The following SCLT1 variants were observed in gnomAD, a reference collection of about 807,000 sequenced individuals.
SCLT1 encodes the protein sodium channel-associated protein 1.
SCLT1 carries 78 observed loss-of-function variants against 112.8 expected under a neutral mutation model. That is an observed-to-expected ratio of 0.69 (90% confidence interval 0.58 to 0.83). SCLT1 has a LOEUF of 0.83. SCLT1 is among the 40% of genes least tolerant of loss of function. The pLI is 0.00. For missense variants in SCLT1, 747 were observed against 770.4 expected (o/e 0.97, Z 0.36); for synonymous variants, 257 against 254.7 (o/e 1.01, Z -0.09).
At chr4:129,055,871 G>T (rs2125720728) in intron 2 of SCLT1, among the ~76,000 whole-genome samples, 1 of 152,054 alleles carries the variant, frequency 6.6e-6, no homozygotes, top group East Asian at 1.9e-4. Context: ...CCTGCAGCTA[G>T]CTTGGTGTCT....
intron 4 of SCLT1, among the ~76,000 whole-genome samples, chr4:129,043,016 A>G (rs147550511): frequency 0.014 from 2,139 of 152,010 alleles, 52 homozygotes; most frequent in African/African-American, 0.046. Context: ...GAGGTTGCAG[A>G]GAGCCGAGAT....
chr4:128,936,966 G>T, intron 17 of SCLT1, 115 bp from the exon 18 acceptor site: 1 of 493,196 alleles, frequency 2.0e-6, no homozygotes, highest in Non-Finnish European at 3.4e-6. Flanking sequence ...AAAAATGTTT[G>T]GATGAGAAAA....
At chr4:129,060,555 T>C (rs1180197215) in intron 2 of SCLT1, among the ~76,000 whole-genome samples, 1 of 152,156 alleles carries the variant, frequency 6.6e-6, no homozygotes, top group Non-Finnish European at 1.5e-5. Context: ...TACAGATAAG[T>C]GTAATGGAAT....
In SCLT1 at chr4:128,978,382, T is replaced by G. The variant is rs76561759; in HGVS notation, c.687-7914A>C. Among the ~76,000 whole-genome samples the G allele has an allele frequency of 8.0e-3, 1,214 of 151,692 alleles. 15 individuals are homozygous for G. The highest frequency in any genetic ancestry group is 0.028 in the African/African-American group (1,156 of 41,322). ...GTCACATGGTTAGAAATCTAAGAAA[T>G]GTATACTTTTCATAGGTAGGATAAG... On this transcript the variant is annotated intron_variant, in intron 9 of 20. Coordinates refer to ENST00000281142, the MANE Select transcript of SCLT1 (RefSeq NM_144643.4).
intron 9 of SCLT1, among the ~76,000 whole-genome samples, chr4:128,988,576 C>A: frequency 6.6e-6 from 1 of 151,622 alleles, no homozygotes; most frequent in Non-Finnish European, 1.5e-5. Context: ...GAAGAGAGGA[C>A]CAACAATACA....
At chr4:129,024,611 G>A (rs1397199332) in intron 5 of SCLT1, among the ~76,000 whole-genome samples, 1 of 152,140 alleles carries the variant, frequency 6.6e-6, no homozygotes, top group Non-Finnish European at 1.5e-5. Context: ...AAACAGAGCA[G>A]AACAACTGGA....
chr4:129,046,593 A>G (rs2125703877), intron 2 of SCLT1, among the ~76,000 whole-genome samples: 1 of 152,232 alleles, frequency 6.6e-6, no homozygotes, highest in South Asian at 2.1e-4. Context: ...TAAATGAAGT[A>G]TTTGGGTTGT....
intron 11 of SCLT1, among the ~76,000 whole-genome samples, chr4:128,960,812 C>G (rs376616502): frequency 6.9e-6 from 1 of 145,638 alleles, no homozygotes; most frequent in South Asian, 2.2e-4. Flanking sequence ...CCCAGCTACT[C>G]GGGAGGCTGA....
intron 16 of SCLT1, chr4:128,944,964 T>C (rs1015625703): frequency 6.6e-6 from 1 of 152,176 alleles, no homozygotes; most frequent in African/African-American, 2.4e-5. Flanking sequence ...ACCTTCAAAA[T>C]TTATCCTGGA....
intron 5 of SCLT1, among the ~76,000 whole-genome samples, chr4:129,020,339 G>A (rs1471672691): frequency 2.6e-5 from 4 of 152,176 alleles, no homozygotes; most frequent in Non-Finnish European, 5.9e-5. Context: ...CCAGACTTAA[G>A]TAGCCTTTGC....
At chr4:129,085,993 C>T (rs1051425422) in intron 1 of SCLT1, among the ~76,000 whole-genome samples, 1 of 151,816 alleles carries the variant, frequency 6.6e-6, no homozygotes, top group Non-Finnish European at 1.5e-5. Context: ...TGCACATGTA[C>T]CCCTGAACTT....
rs757220816 is a variant in SCLT1 at position 129,082,361 on chromosome 4, T to C, written c.47A>G (p.Asn16Ser). ...CATTTGATACCGCCTAAAATCTTCA[T>C]TTAGTCTTCGATCTGAAACAAGCGG... ...DFLREQNRRL[N>S]EDFRRYQMES... The change falls in exon 2 of 21, where the codon AAT becomes AGT. Residue 16 changes from asparagine to serine, a missense_variant. Coordinates refer to ENST00000281142, the MANE Select transcript of SCLT1 (RefSeq NM_144643.4). The C allele has an allele frequency of 3.1e-6, 5 of 1,592,512 alleles. No homozygotes were observed. Among genetic ancestry groups the C allele is most frequent in the East Asian group, 2.3e-5 (1 of 44,392 alleles).
chr4:129,044,192 A>C, intron 2 of SCLT1, 141 bp from the exon 3 acceptor site: 1 of 511,376 alleles, frequency 2.0e-6, no homozygotes, highest in Middle Eastern at 5.2e-4. Context: ...AAAAAATAAT[A>C]ATCTCAATTT....
Position 129,042,334 on chromosome 4 carries a change from A to G in SCLT1, c.234+1061T>C, listed in dbSNP as rs188584638. On this transcript the variant is annotated intron_variant, in intron 4 of 20. Coordinates refer to ENST00000281142, the MANE Select transcript of SCLT1 (RefSeq NM_144643.4). ...CATTTTCAGATCAAAGAAACACATT[A>G]TAAATATTAGGCATACTCTAAACAC... 3.0e-3 allele frequency among the ~76,000 whole-genome samples: 462 copies of G among 152,300 alleles called. 1 individual carries two copies. The highest frequency in any genetic ancestry group is 0.011 in the African/African-American group (443 of 41,560).
At chr4:129,055,729 T>C (rs1183309391) in intron 2 of SCLT1, among the ~76,000 whole-genome samples, 4 of 151,978 alleles carry the variant, frequency 2.6e-5, no homozygotes, top group Admixed American at 2.6e-4. Context: ...TGGGACTCAC[T>C]GAGCAAGACC....
At chr4:129,057,630 T>C (rs536357928) in intron 2 of SCLT1, among the ~76,000 whole-genome samples, 1 of 151,950 alleles carries the variant, frequency 6.6e-6, no homozygotes, top group African/African-American at 2.4e-5. Flanking sequence ...TCAGGTTTTC[T>C]ATTTCTTCTA....
rs191924696 is a variant in SCLT1 at position 129,054,247 on chromosome 4, G to C, written c.103-10196C>G. Among the ~76,000 whole-genome samples, 733 of 152,198 alleles carry C rather than the reference G, an allele frequency of 4.8e-3. 6 individuals carry two copies. The highest frequency in any genetic ancestry group is 0.017 in the African/African-American group (696 of 41,520). The stretch of plus-strand genomic sequence containing the variant: ...GTGTCTTGGGGTTGCTTTTCTCGAG[G>C]AGTATCTTTGTGGTGTTCTCTGTAT... On this transcript the variant is annotated intron_variant, in intron 2 of 20. Transcript: ENST00000281142.
intron 16 of SCLT1, chr4:128,944,838 A>C (rs1348173453): frequency 3.3e-5 from 5 of 152,208 alleles, no homozygotes; most frequent in Non-Finnish European, 7.4e-5. Flanking sequence ...TGCTTATAAA[A>C]AGAATGCATG....
intron 4 of SCLT1, among the ~76,000 whole-genome samples, chr4:128,876,349 T>TA (rs1732520115): frequency 6.6e-6 from 1 of 152,122 alleles, no homozygotes; most frequent in African/African-American, 2.4e-5. Flanking sequence ...TACAAGGTCT[T>TA]AAAGTTGAAT....
Sources: gnomAD v4.1 joint callset for allele counts (sites outside exome capture counted in the v4.1 genomes callset) on GRCh38, gnomAD v4.1.1 for gene constraint, MANE v1.5 for transcripts, NCBI Gene and HGNC (gene_info 2026-07-23, HGNC 2026-07-21) for gene names.